Variants in ZNF283 observed in about 807,000 individuals in gnomAD.
ZNF283 encodes zinc finger protein 41.
A neutral mutation model predicts 9.2 loss-of-function variants in ZNF283; 10 were observed. The observed-to-expected ratio is 1.09, with a 90% CI of 0.67 to 1.85. The LOEUF is 1.85. ZNF283 is among the 40% of genes most tolerant of loss of function. The pLI is 0.00. For synonymous variants in ZNF283, 234 were observed against 244.1 expected, an observed-to-expected ratio of 0.96 and a Z score of 0.38; for missense variants, 631 against 760.1, an observed-to-expected ratio of 0.83 and a Z score of 2.00.
In ZNF283 at chr19:43,847,401, A is replaced by G; in HGVS notation, c.800A>G (p.Glu267Gly). The change falls in exon 7 of 7, where the codon GAA (glutamate) becomes GGA (glycine). Residue 267 changes from glutamate (E) to glycine (G), a missense_variant. Coordinates refer to ENST00000618787, the MANE Select transcript of ZNF283 (RefSeq NM_181845.2). The part of the protein sequence containing the change: ...HTGEKPYECK[E>G]CGKTFSWGSS... ...GGTGAGAAACCCTATGAGTGTAAGGAATGTGGGAAGACCTTTAGCTGGGGA... is the reference window on the plus strand; with the variant it reads ...GGTGAGAAACCCTATGAGTGTAAGGGATGTGGGAAGACCTTTAGCTGGGGA... 2 of 1,614,048 alleles carry G rather than the reference A, an allele frequency of 1.2e-6. No individual in the cohort carries two copies. The highest frequency in any genetic ancestry group is 2.2e-5 in the South Asian group (2 of 91,080).
chr19:43,833,210 T>G (rs1046250174), intron 3 of ZNF283, among the ~76,000 whole-genome samples: 1 of 152,060 alleles, frequency 6.6e-6, no homozygotes, highest in Non-Finnish European at 1.5e-5. Context: ...CCTAAAGCTC[T>G]CACACCAGAA....
chr19:43,828,181 T>C (rs1363628809), intron 1 of ZNF283, 21 bp from the exon 2 acceptor site: 3 of 124,606 alleles, frequency 2.4e-5, no homozygotes, highest in Non-Finnish European at 5.3e-5. Flanking sequence ...TGATGTCTCA[T>C]GTTACTGTTT....
At chr19:43,845,315 G>A (rs1971363196) in intron 6 of ZNF283, among the ~76,000 whole-genome samples, 1 of 152,088 alleles carries the variant, frequency 6.6e-6, no homozygotes. Flanking sequence ...GCAAATCTTT[G>A]TGCTTGCTCA....
intron 3 of ZNF283, among the ~76,000 whole-genome samples, chr19:43,831,871 C>T (rs8100246): frequency 0.01 from 1,554 of 152,244 alleles, 27 homozygotes; most frequent in African/African-American, 0.035. Context: ...TCAAGCAATC[C>T]GCCTCCTTTG....
At chr19:43,840,178 G>A (rs1971143288) in intron 6 of ZNF283, among the ~76,000 whole-genome samples, 1 of 152,068 alleles carries the variant, frequency 6.6e-6, no homozygotes, top group African/African-American at 2.4e-5. Context: ...CATCTCTACA[G>A]TCAGTTAGTA....
chr19:43,834,813 C>G (rs1198436577), intron 4 of ZNF283, among the ~76,000 whole-genome samples: 4 of 152,002 alleles, frequency 2.6e-5, no homozygotes, highest in Middle Eastern at 3.2e-3. Context: ...CCAGGATGGT[C>G]TCGATCTCCT....
At position 43,850,671 on chromosome 19, in the gene ZNF283, C is replaced by A. The variant is rs936016095; in HGVS notation, c.*2030C>A. 6.6e-6 allele frequency: 1 copy of A among 152,152 alleles called. No homozygotes were observed. The highest frequency in any genetic ancestry group is 2.4e-5 in the African/African-American group (1 of 41,410). The allele number at this position is 152,152 out of a possible 1,614,324, so 9.4% of individuals were successfully genotyped here. On this transcript the variant is annotated 3_prime_UTR_variant, in exon 7 of 7. Coordinates refer to ENST00000618787, the MANE Select transcript of ZNF283 (RefSeq NM_181845.2). ...TCCAGGCTGATCTTGAACTCCTGCA[C>A]CTGCCTCAGCCTCCCAAAGTGTTGG...
Position 43,850,014 on chromosome 19 carries a change from T to C in ZNF283, c.*1373T>C, listed in dbSNP as rs1166257632. ...ATTCTGGATAAGATCTAGTACAGTATAAAGAATTTGAGGGGATTTTAATTC... is the reference window on the plus strand; with the variant it reads ...ATTCTGGATAAGATCTAGTACAGTACAAAGAATTTGAGGGGATTTTAATTC... On this transcript the variant is annotated 3_prime_UTR_variant, in exon 7 of 7. Coordinates refer to ENST00000618787, the MANE Select transcript of ZNF283 (RefSeq NM_181845.2). The C allele has an allele frequency of 6.6e-6, 1 of 152,140 alleles. No individual in the cohort carries two copies. The highest frequency in any genetic ancestry group is 2.4e-5 in the African/African-American group (1 of 41,440). 9.4% of individuals were successfully genotyped at this position (152,140 alleles called of 1,614,324 possible). A position where few individuals can be genotyped will look rare whatever the true frequency, so the allele number is the denominator to read the frequency against.
intron 4 of ZNF283, among the ~76,000 whole-genome samples, chr19:43,834,997 T>C (rs1238889529): frequency 6.6e-6 from 1 of 152,226 alleles, no homozygotes; most frequent in Non-Finnish European, 1.5e-5. Flanking sequence ...AATGTAATCA[T>C]AAGTCTCATA....
Position 43,847,757 on chromosome 19 carries a change from T to G in ZNF283, c.1156T>G (p.Trp386Gly). The G allele has an allele frequency of 6.2e-7, 1 of 1,612,880 alleles. No homozygotes were observed. The highest frequency in any genetic ancestry group is 8.5e-7 in the Non-Finnish European group (1 of 1,179,656). ...TAAAATATGTGGAAAGGCTTTTTGT[T>G]GGGGCTATCAACTTACTCGACATCA... is the stretch of plus-strand genomic sequence containing the variant. ...ECKICGKAFC[W>G]GYQLTRHQIF... is the part of the protein sequence containing the mutation. Residue 386 changes from tryptophan (W) to glycine (G), a missense_variant, in exon 7 of 7, where the codon TGG becomes GGG. Around this residue, in one of 3 missense-constraint regions of ZNF283, gnomAD observed 444 missense variants for 522.5 expected, o/e 0.85. Coordinates refer to ENST00000618787, the MANE Select transcript of ZNF283 (RefSeq NM_181845.2).
At chr19:43,839,317 A>C (rs1971107310) in intron 6 of ZNF283, among the ~76,000 whole-genome samples, 1 of 151,426 alleles carries the variant, frequency 6.6e-6, no homozygotes, top group Admixed American at 6.6e-5. Context: ...TTAGCTGTTA[A>C]TCTTGTTGCA....
intron 6 of ZNF283, among the ~76,000 whole-genome samples, chr19:43,846,036 T>C (rs1971389729): frequency 6.6e-6 from 1 of 152,124 alleles, no homozygotes; most frequent in Non-Finnish European, 1.5e-5. Flanking sequence ...GAAAAATAAC[T>C]CAAAATATTT....
chr19:43,846,658 G>A (rs957699451), intron 6 of ZNF283, among the ~76,000 whole-genome samples: 1 of 152,184 alleles, frequency 6.6e-6, no homozygotes, highest in Non-Finnish European at 1.5e-5. Context: ...GGGCTTGATT[G>A]ATGGAAGCTG....
At chr19:43,843,992 A>G (rs1971314133) in intron 6 of ZNF283, among the ~76,000 whole-genome samples, 2 of 152,206 alleles carry the variant, frequency 1.3e-5, no homozygotes, top group African/African-American at 2.4e-5. Context: ...CCTAAATAAC[A>G]TATTGCCATA....
chr19:43,851,933 A>C lies in ZNF283; in HGVS notation c.*3292A>C, dbSNP rs1423291037. On this transcript the variant is annotated 3_prime_UTR_variant, in exon 7 of 7. Transcript: ENST00000618787. ...TTGTTAGCTATGATGGAATGGCAGC[A>C]TCATGGTCTCAGTTATGAGTGAAAA... 6.6e-6 allele frequency: 1 copy of C among 152,244 alleles called. No individual in the cohort carries two copies. The highest frequency in any genetic ancestry group is 1.5e-5 in the Non-Finnish European group (1 of 68,040). The allele number at this position is 152,244 out of a possible 1,614,324, so 9.4% of individuals were successfully genotyped here. A position where few individuals can be genotyped will look rare whatever the true frequency, so the allele number is the denominator to read the frequency against.
At chr19:43,828,666 CT>C (rs1176375766) in intron 2 of ZNF283, among the ~76,000 whole-genome samples, 1 of 151,648 alleles carries the variant, frequency 6.6e-6, no homozygotes, top group Non-Finnish European at 1.5e-5. Flanking sequence ...TTTTTTTTAA[CT>C]TTTTTTAGAG....
At position 43,837,056 on chromosome 19, in the gene ZNF283, T is replaced by G; in HGVS notation, c.214T>G (p.Leu72Val). The part of the protein sequence containing the change: ...SCNSRTMTDG[L>V]VTFRDVAIDF... ...ATACATGGGTTTTTGGTTTTAGGGGTTGGTGACATTCAGGGATGTGGCCAT... is the reference window on the plus strand; with the variant it reads ...ATACATGGGTTTTTGGTTTTAGGGGGTGGTGACATTCAGGGATGTGGCCAT... The change falls in exon 6 of 7, where the codon TTG (leucine) becomes GTG (valine). Residue 72 changes from leucine to valine, a missense_variant. Physicochemically the swap from Leu to Val is conservative, Grantham distance 32. Transcript: ENST00000618787. The G allele has an allele frequency of 6.2e-7, 1 of 1,614,048 alleles. No individual in the cohort carries two copies. The highest frequency in any genetic ancestry group is 1.1e-5 in the South Asian group (1 of 91,064).
At position 43,848,133 on chromosome 19, in the gene ZNF283, G is replaced by A; in HGVS notation, c.1532G>A (p.Gly511Asp). ...ACTCGACATCAGGTATTTCACACTGGTGAGAAACCCTATGAATGTAAGGAA... is the reference window on the plus strand; with the variant it reads ...ACTCGACATCAGGTATTTCACACTGATGAGAAACCCTATGAATGTAAGGAA... ...QLTRHQVFHT[G>D]EKPYECKECG... Residue 511 changes from glycine to aspartate, a missense_variant, in exon 7 of 7, where the codon GGT becomes GAT. Gly to Asp is a moderately conservative substitution (Grantham distance 94). This residue lies in a region of ZNF283 where 444 missense variants were observed against 522.5 expected (regional missense o/e 0.85). Transcript: ENST00000618787. 6.2e-7 allele frequency: 1 copy of A among 1,613,884 alleles called. No individual in the cohort carries two copies.
intron 2 of ZNF283, 84 bp from the exon 3 acceptor site, chr19:43,831,234 A>T (rs1970696028): frequency 2.2e-6 from 2 of 906,376 alleles, no homozygotes; most frequent in African/African-American, 3.3e-5. Flanking sequence ...TATCTACTCT[A>T]TACCAAATAC....
Sources: gnomAD v4.1 joint callset for allele counts (sites outside exome capture counted in the v4.1 genomes callset) on GRCh38, gnomAD v4.1.1 for gene constraint, gnomAD v4.1.1 regional missense constraint, MANE v1.5 for transcripts, NCBI Gene and HGNC (gene_info 2026-07-23, HGNC 2026-07-21) for gene names.